Variants in RTN4IP1 observed in about 807,000 individuals in gnomAD.
The protein encoded by RTN4IP1 is NAD(P)H oxidoreductase RTN4IP1, mitochondrial.
A neutral mutation model predicts 46.6 loss-of-function variants in RTN4IP1; 32 were observed. That is an observed-to-expected ratio of 0.69 (90% CI 0.52 to 0.92). The LOEUF (loss-of-function observed/expected upper bound fraction) is 0.92, where lower values mean the gene tolerates loss of function less well. Ranked by LOEUF, RTN4IP1 falls within the 40% of genes least tolerant of loss-of-function variation. The pLI is 0.00. For synonymous variants in RTN4IP1, 167 were observed against 161.8 expected (o/e 1.03, Z -0.24); for missense variants, 424 against 485.8 (o/e 0.87, Z 1.20).
chr6:106,628,639 T>G lies in RTN4IP1; in HGVS notation c.274+109A>C, dbSNP rs529016526. 1.9e-5 allele frequency: 20 copies of G among 1,074,404 alleles called. No individual in the cohort carries two copies. The Admixed American group carries it at 4.9e-4, about 27-fold the overall frequency. 66.6% of individuals were successfully genotyped at this position (1,074,404 alleles called of 1,614,324 possible). A position where few individuals can be genotyped will look rare whatever the true frequency, so the allele number is the denominator to read the frequency against. The stretch of plus-strand genomic sequence containing the variant: ...ATTTGCAGAGGTATTGTTAAAAACC[T>G]AAATGATTCATTTATGTAAACCAAA... On this transcript the variant is annotated intron_variant, in intron 1 of 8. Coordinates refer to ENST00000369063, the MANE Select transcript of RTN4IP1 (RefSeq NM_032730.5).
chr6:106,621,565 G>C (rs1218369903), intron 2 of RTN4IP1, 72 bp from the exon 3 acceptor site: 89 of 1,289,366 alleles, frequency 6.9e-5, no homozygotes, highest in Non-Finnish European at 9.6e-5. Context: ...GCAAGAAAGT[G>C]TTCCCTAATA....
chr6:106,583,208 C>G (rs925092159), intron 8 of RTN4IP1, 120 bp downstream of exon 8: 5 of 715,012 alleles, frequency 7.0e-6, no homozygotes, highest in South Asian at 5.4e-5. Flanking sequence ...TAAGGCAGCA[C>G]AAGGTCAGGT....
At position 106,628,757 on chromosome 6, in the gene RTN4IP1, T is replaced by A; in HGVS notation, c.265A>T (p.Asn89Tyr). ...HAASVNPIDVNMRSGYGATAL... is the reference protein window; with the variant it reads ...HAASVNPIDVYMRSGYGATAL... Reference sequence around the variant, plus strand: ...TCTTTTGAAAACTTACTTCTCATATTAACGTCTATAGGATTTACACTGGCA... The same window carrying A: ...TCTTTTGAAAACTTACTTCTCATATAAACGTCTATAGGATTTACACTGGCA... Residue 89 changes from asparagine (N) to tyrosine (Y), a missense_variant, in exon 1 of 9, where the codon AAT becomes TAT. Transcript: ENST00000369063. 6.2e-7 allele frequency: 1 copy of A among 1,604,006 alleles called. No individual in the cohort carries two copies. Among genetic ancestry groups the A allele is most frequent in the African/African-American group, 1.3e-5 (1 of 74,850 alleles).
At chr6:106,629,599 C>T (rs952014078), upstream of RTN4IP1, 8 of 1,508,470 alleles carry the variant, frequency 5.3e-6, no homozygotes, top group East Asian at 2.4e-5. Flanking sequence ...AAGATGGCTG[C>T]GCCCATGTAA....
Position 106,572,028 on chromosome 6 carries a change from C to A in RTN4IP1, c.1159G>T (p.Ala387Ser). Residue 387 changes from alanine (A) to serine (S), a missense_variant, in exon 9 of 9, where the codon GCA (alanine) becomes TCA (serine). By Grantham distance (99) the Ala-to-Ser change is moderately conservative. Transcript: ENST00000369063. Reference sequence around the variant, plus strand: ...ACATTAATTACAGTCTTTCCTCGTGCGTGTCCTCTTTCCACCTTCAGGAAG... The same window carrying A: ...ACATTAATTACAGTCTTTCCTCGTGAGTGTCCTCTTTCCACCTTCAGGAAG... ...EAFLKVERGH[A>S]RGKTVINVV 2.5e-6 allele frequency: 4 copies of A among 1,613,120 alleles called. No homozygotes were observed. The highest frequency in any genetic ancestry group is 3.4e-6 in the Non-Finnish European group (4 of 1,179,114).
At chr6:106,615,290 T>C (rs1242210991) in intron 4 of RTN4IP1, among the ~76,000 whole-genome samples, 1 of 152,114 alleles carries the variant, frequency 6.6e-6, no homozygotes, top group Non-Finnish European at 1.5e-5. Context: ...AGCATATCGG[T>C]AGGGAATAAA....
chr6:106,616,215 C>A (rs1776353602), intron 4 of RTN4IP1, among the ~76,000 whole-genome samples: 1 of 152,174 alleles, frequency 6.6e-6, no homozygotes. Context: ...CCGCGCCTGG[C>A]CTCACTTGAC....
chr6:106,598,312 A>G (rs1420620879), intron 5 of RTN4IP1, among the ~76,000 whole-genome samples: 2 of 152,140 alleles, frequency 1.3e-5, no homozygotes, highest in African/African-American at 2.4e-5. Flanking sequence ...AGTCCCACCA[A>G]CAGTGTAAAA....
At chr6:106,579,054 G>A (rs753840472) in intron 8 of RTN4IP1, among the ~76,000 whole-genome samples, 21 of 151,748 alleles carry the variant, frequency 1.4e-4, no homozygotes, top group Non-Finnish European at 2.4e-4. Context: ...GGCCAACATG[G>A]TGAAACCCTG....
chr6:106,573,358 T>G (rs1265577575), intron 8 of RTN4IP1, among the ~76,000 whole-genome samples: 1 of 152,182 alleles, frequency 6.6e-6, no homozygotes, highest in African/African-American at 2.4e-5. Flanking sequence ...GAGGAAGAAG[T>G]GTTTTCGTGA....
chr6:106,593,857 C>T (rs781618490), intron 5 of RTN4IP1, among the ~76,000 whole-genome samples: 7 of 152,114 alleles, frequency 4.6e-5, no homozygotes, highest in Non-Finnish European at 1.0e-4. Context: ...TTGCTTTTCA[C>T]AGCAAGTCCC....
upstream of RTN4IP1, among the ~76,000 whole-genome samples, chr6:106,630,329 C>G (rs1346726827): frequency 6.6e-6 from 1 of 152,194 alleles, no homozygotes; most frequent in Non-Finnish European, 1.5e-5. Context: ...GGACTTACCT[C>G]TCAACCCCCG....
At chr6:106,610,682 C>G (rs1225599596) in intron 4 of RTN4IP1, among the ~76,000 whole-genome samples, 1 of 152,198 alleles carries the variant, frequency 6.6e-6, no homozygotes, top group Non-Finnish European at 1.5e-5. Context: ...GAAAAAAGCA[C>G]TGTTATTCAA....
intron 5 of RTN4IP1, among the ~76,000 whole-genome samples, chr6:106,595,836 T>C (rs1342358232): frequency 2.0e-5 from 3 of 152,164 alleles, no homozygotes; most frequent in Non-Finnish European, 4.4e-5. Context: ...CTCATATCAC[T>C]GCCCCTCACA....
chr6:106,590,714 CAA>C (rs35293436), intron 6 of RTN4IP1, among the ~76,000 whole-genome samples: 9 of 68,536 alleles, frequency 1.3e-4, no homozygotes, highest in East Asian at 9.9e-4. Context: ...GAATCCATCT[CAA>C]AAAAAAAAAA....
intron 5 of RTN4IP1, among the ~76,000 whole-genome samples, chr6:106,600,476 G>T (rs779298992): frequency 6.6e-6 from 1 of 152,026 alleles, no homozygotes; most frequent in Non-Finnish European, 1.5e-5. Context: ...GTAGTCTCTA[G>T]TACACTCACA....
intron 1 of RTN4IP1, among the ~76,000 whole-genome samples, chr6:106,627,844 C>A (rs1776688271): frequency 7.4e-6 from 1 of 134,860 alleles, no homozygotes; most frequent in South Asian, 2.5e-4. Flanking sequence ...CCTCCGCCTT[C>A]CGGATTCAAG....
At chr6:106,605,841 A>G (rs1356666986) in intron 4 of RTN4IP1, among the ~76,000 whole-genome samples, 3 of 135,044 alleles carry the variant, frequency 2.2e-5, no homozygotes, top group East Asian at 4.3e-4. Flanking sequence ...AAAAAAAAAA[A>G]AAAGAAATCA....
intron 4 of RTN4IP1, among the ~76,000 whole-genome samples, chr6:106,604,056 G>A (rs989396680): frequency 1.3e-5 from 2 of 152,186 alleles, no homozygotes; most frequent in African/African-American, 4.8e-5. Flanking sequence ...GTAACTGCTA[G>A]TGTGGGTCCC....
Sources: allele counts gnomAD v4.1 joint callset (sites outside exome capture counted in the v4.1 genomes callset), GRCh38; gene constraint gnomAD v4.1.1; transcripts MANE v1.5; gene names NCBI Gene and HGNC (gene_info 2026-07-23, HGNC 2026-07-21).